The following TECTA variants were observed in gnomAD, a reference collection of about 807,000 sequenced individuals.
TECTA encodes tectorin alpha.
TECTA carries 128 observed loss-of-function variants against 216.8 expected under a neutral mutation model. That is an observed-to-expected ratio of 0.59 (90% CI 0.51 to 0.68). The LOEUF is 0.68. TECTA is among the 30% of genes least tolerant of loss of function. The pLI, the probability that TECTA is intolerant of heterozygous loss-of-function variation, is 0.00. For missense variants in TECTA, 2,551 were observed against 2,786.2 expected, an observed-to-expected ratio of 0.92 and a Z score of 1.90; for synonymous variants, 1,089 against 1,117.1, an observed-to-expected ratio of 0.97 and a Z score of 0.50.
chr11:121,128,440 A>T (rs974017690), intron 9 of TECTA, 96 bp downstream of exon 9: 8 of 1,180,060 alleles, frequency 6.8e-6, no homozygotes, highest in Middle Eastern at 5.4e-4. Context: ...GCCTCTGCCT[A>T]TGAGTGGATT....
In TECTA at chr11:121,191,182, CAG is replaced by C. The variant is rs1204990562; in HGVS notation, c.*383_*384del. 6.3e-6 allele frequency: 2 copies of C among 316,270 alleles called. No homozygotes were observed. The highest frequency in any genetic ancestry group is 1.2e-5 in the Non-Finnish European group (2 of 164,450). The allele number at this position is 316,270 out of a possible 1,614,324, so 19.6% of individuals were successfully genotyped here. A position where few individuals can be genotyped will look rare whatever the true frequency, so the allele number is the denominator to read the frequency against. ...GCTATTTCTGGATCACAGTTTTTTA[CAG>C]AGAGAGGGCCTGTTGGAACGATTTT... is the stretch of plus-strand genomic sequence containing the variant. On this transcript the variant is annotated 3_prime_UTR_variant, in exon 24 of 24. Coordinates refer to ENST00000392793, the MANE Select transcript of TECTA (RefSeq NM_005422.4).
intron 10 of TECTA, among the ~76,000 whole-genome samples, chr11:121,136,435 G>C (rs1326312409): frequency 6.6e-6 from 1 of 152,096 alleles, no homozygotes; most frequent in Non-Finnish European, 1.5e-5. Context: ...TGAGGAGGTG[G>C]ACGAGGCCAG....
At chr11:121,177,556 C>G (rs1315858772) in intron 20 of TECTA, among the ~76,000 whole-genome samples, 1 of 152,236 alleles carries the variant, frequency 6.6e-6, no homozygotes, top group East Asian at 1.9e-4. Context: ...AGAGGAGTAC[C>G]CGGCCGTGTG....
chr11:121,119,598 CA>C (rs1946537403), intron 7 of TECTA, among the ~76,000 whole-genome samples: 1 of 152,222 alleles, frequency 6.6e-6, no homozygotes, highest in Non-Finnish European at 1.5e-5. Context: ...ACCAAGACCA[CA>C]AGGGGCTGAT....
rs202045605 is a variant in TECTA at position 121,168,099 on chromosome 11, A to G, written c.5632A>G (p.Ser1878Gly). Residue 1878 changes from serine (S) to glycine (G), a missense_variant, in exon 19 of 24, where the codon AGC (serine) becomes GGC (glycine). This residue lies in a region of TECTA where 2,375 missense variants were observed against 2,563.9 expected (regional missense o/e 0.93). Transcript: ENST00000392793. ...GTATAAAAACACACTCTGGATCGAA[A>G]GCGCCAACAACACTGGCAACATCAT... ...IMYKNTLWIE[S>G]ANNTGNIITR... The G allele has an allele frequency of 6.2e-7, 1 of 1,614,088 alleles. No individual in the cohort carries two copies. The highest frequency in any genetic ancestry group is 8.5e-7 in the Non-Finnish European group (1 of 1,180,050).
chr11:121,184,918 T>A (rs1947266052), intron 20 of TECTA, among the ~76,000 whole-genome samples: 1 of 152,226 alleles, frequency 6.6e-6, no homozygotes, highest in African/African-American at 2.4e-5. Context: ...TATCCTTTTG[T>A]CCATGTTTCT....
intron 20 of TECTA, among the ~76,000 whole-genome samples, chr11:121,174,223 C>T (rs1947141316): frequency 6.6e-6 from 1 of 151,752 alleles, no homozygotes; most frequent in Non-Finnish European, 1.5e-5. Flanking sequence ...ACTTCCAACA[C>T]TATGTTGAAT....
At chr11:121,141,337 G>A (rs1267277294) in intron 11 of TECTA, among the ~76,000 whole-genome samples, 3 of 152,242 alleles carry the variant, frequency 2.0e-5, no homozygotes, top group Non-Finnish European at 4.4e-5. Context: ...GCAGGTCACT[G>A]CTGTGGCCCT....
chr11:121,175,027 C>G (rs911657582), intron 20 of TECTA, among the ~76,000 whole-genome samples: 2 of 152,030 alleles, frequency 1.3e-5, no homozygotes, highest in African/African-American at 4.8e-5. Flanking sequence ...TCTGTGGGAT[C>G]GGTGGTGATA....
At chr11:121,181,979 T>A (rs566352611) in intron 20 of TECTA, among the ~76,000 whole-genome samples, 19 of 152,336 alleles carry the variant, frequency 1.2e-4, no homozygotes, top group African/African-American at 4.3e-4. Flanking sequence ...GTGGTCTCCA[T>A]ATGATTTCTT....
intron 13 of TECTA, 121 bp downstream of exon 13, chr11:121,153,201 C>A: frequency 8.8e-7 from 1 of 1,138,230 alleles, no homozygotes; most frequent in Non-Finnish European, 1.3e-6. Context: ...GTGTTCGTGG[C>A]AGGGGAATGG....
rs755970907 is a variant in TECTA, at chr11:121,125,765, G to A, written c.1667G>A (p.Ser556Asn). ...CACAGCTGCGTGTATGACCTGTGCA[G>A]TGTGAGGGACAATGGCACGCTCCTC... ...FVHSCVYDLC[S>N]VRDNGTLLCQ... Residue 556 changes from serine (S) to asparagine (N), a missense_variant, in exon 8 of 24, where the codon AGT (serine) becomes AAT (asparagine). Around this residue, in one of 3 missense-constraint regions of TECTA, gnomAD observed 2,375 missense variants for 2,563.9 expected, o/e 0.93. Coordinates refer to ENST00000392793, the MANE Select transcript of TECTA (RefSeq NM_005422.4). The A allele has an allele frequency of 1.9e-6, 3 of 1,614,092 alleles. No individual in the cohort carries two copies. In the African/African-American group the frequency reaches 4.0e-5, roughly 22 times the overall value.
intron 7 of TECTA, 94 bp downstream of exon 7, chr11:121,118,812 G>T: frequency 1.3e-6 from 2 of 1,523,630 alleles, no homozygotes; most frequent in Non-Finnish European, 1.8e-6. Flanking sequence ...TCTGCTGTTT[G>T]TCTCTGTACA....
Position 121,125,516 on chromosome 11 carries a change from T to C in TECTA, c.1418T>C (p.Leu473Pro), listed in dbSNP as rs767746066. The C allele has an allele frequency of 1.2e-6, 2 of 1,614,156 alleles. No homozygotes were observed. Among genetic ancestry groups the C allele is most frequent in the Non-Finnish European group, 1.7e-6 (2 of 1,180,036 alleles). The change falls in exon 8 of 24, where the codon CTC becomes CCC. Residue 473 changes from leucine to proline, a missense_variant. Leu to Pro is a moderately conservative substitution (Grantham distance 98). Around this residue, in one of 3 missense-constraint regions of TECTA, gnomAD observed 2,375 missense variants for 2,563.9 expected, o/e 0.93. Transcript: ENST00000392793. ...AATAAAAACCCACTGGATGACTTCC[T>C]CCGCCCGGATGGCAGGCCGGCCATG... ...NYNKNPLDDF[L>P]RPDGRPAMSV...
At position 121,168,721 on chromosome 11, in the gene TECTA, C is replaced by T; in HGVS notation, c.5795C>T (p.Thr1932Ile). 6.2e-7 allele frequency: 1 copy of T among 1,614,180 alleles called. No individual in the cohort carries two copies. Among genetic ancestry groups the T allele is most frequent in the Non-Finnish European group, 8.5e-7 (1 of 1,180,024 alleles). The change falls in exon 20 of 24, where the codon ACC (threonine) becomes ATC (isoleucine). Residue 1932 changes from threonine to isoleucine, a missense_variant. Thr to Ile is a moderately conservative substitution (Grantham distance 89). Coordinates refer to ENST00000392793, the MANE Select transcript of TECTA (RefSeq NM_005422.4). ...CCAACCCAAGAAGGCAGCTTCATCA[C>T]CAAGATGGCTCTCTACAAAAACGCC... is the stretch of plus-strand genomic sequence containing the variant. The part of the protein sequence containing the change: ...TVPTQEGSFI[T>I]KMALYKNASY...
At chr11:121,182,004 A>G (rs952115031) in intron 20 of TECTA, among the ~76,000 whole-genome samples, 5 of 152,242 alleles carry the variant, frequency 3.3e-5, no homozygotes, top group South Asian at 2.1e-4. Context: ...TGTAATCAGC[A>G]TCAGTCATGT....
chr11:121,150,732 G>A (rs575010000), intron 12 of TECTA, among the ~76,000 whole-genome samples: 35 of 140,186 alleles, frequency 2.5e-4, no homozygotes, highest in Non-Finnish European at 3.0e-4. Context: ...TGCAACCACC[G>A]CCTCCTGGGT....
intron 20 of TECTA, among the ~76,000 whole-genome samples, chr11:121,176,321 G>A (rs1310524): frequency 0.026 from 3,956 of 150,164 alleles, 119 homozygotes; most frequent in African/African-American, 0.091. Context: ...TGCAGTGGCT[G>A]GTACCGGTTG....
At chr11:121,186,046 T>C (rs1947282116) in intron 20 of TECTA, among the ~76,000 whole-genome samples, 2 of 103,830 alleles carry the variant, frequency 1.9e-5, no homozygotes, top group South Asian at 7.2e-4. Flanking sequence ...GGAAAGCAGA[T>C]GTTCAGTGCT....
Sources: allele counts gnomAD v4.1 joint callset (sites outside exome capture counted in the v4.1 genomes callset), GRCh38; gene constraint gnomAD v4.1.1; regional missense constraint gnomAD v4.1.1; transcripts MANE v1.5; gene names NCBI Gene and HGNC (gene_info 2026-07-23, HGNC 2026-07-21).